RFX1: variants seen among roughly 807,000 people sequenced by gnomAD.
The protein encoded by RFX1 is regulatory factor X1.
In RFX1, 42 loss-of-function variants were observed where a neutral mutation model predicts 119.6. That is an observed-to-expected ratio of 0.35 (90% CI 0.27 to 0.45). The LOEUF is 0.45. Ranked by LOEUF, RFX1 falls within the 20% of genes least tolerant of loss-of-function variation. The pLI is 1.00. For synonymous variants in RFX1, 628 were observed against 618.5 expected, an observed-to-expected ratio of 1.02 and a Z score of -0.23; for missense variants, 1,118 against 1,368.1, an observed-to-expected ratio of 0.82 and a Z score of 2.88.
chr19:14,002,511 A>C (rs1053214301), intron 1 of RFX1, among the ~76,000 whole-genome samples: 7 of 151,992 alleles, frequency 4.6e-5, no homozygotes, highest in Non-Finnish European at 8.8e-5. Context: ...AAAGAAAGAA[A>C]AAAGAAAAGA....
chr19:13,969,451 A>G lies in RFX1; in HGVS notation c.1496+543T>C, dbSNP rs972388630. ...GTGGATCACTTGAGGACAGGAGTTC[A>G]AGACCAGCCTGGCCAACATAGCAAA... is the stretch of plus-strand genomic sequence containing the variant. On this transcript the variant is annotated intron_variant, in intron 10 of 20. Coordinates refer to ENST00000254325, the MANE Select transcript of RFX1 (RefSeq NM_002918.5). The surrounding 1 kb of genome is among the most constrained non-coding windows in gnomAD (Gnocchi z 4.5). Among the ~76,000 whole-genome samples the G allele has an allele frequency of 3.3e-5, 5 of 152,124 alleles. No homozygotes were observed. Among genetic ancestry groups the G allele is most frequent in the African/African-American group, 1.2e-4 (5 of 41,414 alleles).
In RFX1 at chr19:13,972,967, G is replaced by T; in HGVS notation, c.1090C>A (p.Gln364Lys). The change falls in exon 9 of 21, where the codon CAG becomes AAG. Residue 364 changes from glutamine (Q) to lysine (K), a missense_variant. This residue lies in a region of RFX1 where 542 missense variants were observed against 602.7 expected (regional missense o/e 0.90). Transcript: ENST00000254325. ...GSMPMYVSGS[Q>K]VVASSTSTGA... ...GTGCTGGTGGAGCTGGCGACGACCT[G>T]GCTGCCGGACACGTACATGGGCATG... is the stretch of plus-strand genomic sequence containing the variant. 6.3e-7 allele frequency: 1 copy of T among 1,599,736 alleles called. No homozygotes were observed. Among genetic ancestry groups the T allele is most frequent in the Non-Finnish European group, 8.5e-7 (1 of 1,179,554 alleles).
intron 9 of RFX1, among the ~76,000 whole-genome samples, chr19:13,971,719 T>C (rs1974085167): frequency 6.6e-6 from 1 of 151,818 alleles, no homozygotes; most frequent in Non-Finnish European, 1.5e-5. Context: ...AAAAAAATTT[T>C]TTAAAATCCG....
rs780022188 is a variant in RFX1 at position 13,985,182 on chromosome 19, A to ATT, written c.320-1589_320-1588dup. 4.9e-5 allele frequency among the ~76,000 whole-genome samples: 6 copies of ATT among 121,598 alleles called. No homozygotes were observed. Among genetic ancestry groups the ATT allele is most frequent in the African/African-American group, 9.4e-5 (3 of 31,910 alleles). 79.8% of individuals were successfully genotyped at this position (121,598 alleles called of 152,430 possible). A position where few individuals can be genotyped will look rare whatever the true frequency, so the allele number is the denominator to read the frequency against. The stretch of plus-strand genomic sequence containing the variant: ...TGGCTGACAGTAAGAGCTTTCCGGG[A>ATT]TTTTTTTTTTTTTTTGAGACAGGGT... On this transcript the variant is annotated intron_variant, in intron 2 of 20. Coordinates refer to ENST00000254325, the MANE Select transcript of RFX1 (RefSeq NM_002918.5). This position sits in a 1 kb window ranked among gnomAD's most constrained non-coding sequence, Gnocchi z 4.3.
intron 1 of RFX1, among the ~76,000 whole-genome samples, chr19:14,003,324 C>A (rs1023859490): frequency 1.3e-5 from 2 of 148,838 alleles, no homozygotes; most frequent in African/African-American, 5.1e-5. Context: ...TCTCCTAAAG[C>A]CAGAGAACAG....
At chr19:14,001,101 C>T (rs1293405517) in intron 1 of RFX1, among the ~76,000 whole-genome samples, 1 of 152,014 alleles carries the variant, frequency 6.6e-6, no homozygotes, top group Non-Finnish European at 1.5e-5. Flanking sequence ...GCTGCAGATC[C>T]ATTCCTGCCT....
In RFX1 at chr19:13,993,876, C is replaced by CT. The variant is rs143370000; in HGVS notation, c.-34dup. 24,715 of 1,239,310 alleles carry CT rather than the reference C, an allele frequency of 0.02. 4 individuals carry two copies. Among genetic ancestry groups the CT allele is most frequent in the Non-Finnish European group, 0.022 (20,481 of 922,480 alleles). 76.8% of individuals were successfully genotyped at this position (1,239,310 alleles called of 1,614,324 possible). On this transcript the variant is annotated 5_prime_UTR_variant, in exon 2 of 21. Transcript: ENST00000254325. ...GTGGGGAAAATGATAATAAATAAGG[C>CT]TTTTTTTTTTTTTTAATTCCTTGGG...
rs200783961 is a variant in RFX1 at position 13,965,714 on chromosome 19, G to A, written c.2025C>T (p.Pro675=). The part of the protein sequence containing the change: ...AILVLLSKFE[P]VLQWTKHCDN... ...CACAGTGCTTGGTCCATTGGAGCACGGGCTCGAACTTGGAGAGGAGCACCA... is the reference window on the plus strand; with the variant it reads ...CACAGTGCTTGGTCCATTGGAGCACAGGCTCGAACTTGGAGAGGAGCACCA... The change falls in exon 15 of 21, where the codon CCC becomes CCT. Residue 675 remains proline (P), a synonymous_variant. Transcript: ENST00000254325. This position sits in a 1 kb window ranked among gnomAD's most constrained non-coding sequence, Gnocchi z 4.7. 6.2e-6 allele frequency: 10 copies of A among 1,613,908 alleles called. No homozygotes were observed. Among genetic ancestry groups the A allele is most frequent in the Middle Eastern group, 1.6e-4 (1 of 6,062 alleles).
chr19:13,994,905 T>C (rs1281155572), intron 1 of RFX1, among the ~76,000 whole-genome samples: 2,719 of 79,570 alleles, frequency 0.034, 169 homozygotes, highest in African/African-American at 0.12. Context: ...TATATATATA[T>C]ATATATATAT....
rs1365498906 is a variant in RFX1 at position 13,969,008 on chromosome 19, C to T, written c.1497-114G>A. On this transcript the variant is annotated intron_variant, in intron 10 of 20. Transcript: ENST00000254325. The surrounding 1 kb of genome is among the most constrained non-coding windows in gnomAD (Gnocchi z 4.5). ...TGTTAGGAGAATGGATAGAGAGACG[C>T]CTGCCCTGCAGAGACGGGGGTGCTG... is the stretch of plus-strand genomic sequence containing the variant. 1.6e-6 allele frequency: 2 copies of T among 1,231,764 alleles called. No homozygotes were observed. Among genetic ancestry groups the T allele is most frequent in the South Asian group, 1.5e-5 (1 of 68,374 alleles). 76.3% of individuals were successfully genotyped at this position (1,231,764 alleles called of 1,614,324 possible). A position where few individuals can be genotyped will look rare whatever the true frequency, so the allele number is the denominator to read the frequency against.
intron 1 of RFX1, among the ~76,000 whole-genome samples, chr19:14,000,966 C>T (rs766373600): frequency 6.6e-6 from 1 of 151,910 alleles, no homozygotes; most frequent in Non-Finnish European, 1.5e-5. Context: ...GGCGTGATGG[C>T]GTGTGCCTGT....
At chr19:13,977,380 AG>A (rs1237781365) in intron 8 of RFX1, among the ~76,000 whole-genome samples, 1 of 152,032 alleles carries the variant, frequency 6.6e-6, no homozygotes, top group Non-Finnish European at 1.5e-5. Flanking sequence ...ACAAAGAAAC[AG>A]GTCACAGCAT....
chr19:14,006,312 G>C lies in RFX1; in HGVS notation c.-262C>G, dbSNP rs1477846743. On this transcript the variant is annotated 5_prime_UTR_variant, in exon 1 of 21. Coordinates refer to ENST00000254325, the MANE Select transcript of RFX1 (RefSeq NM_002918.5). Reference sequence around the variant, plus strand: ...CTATGGCGCCTCCGTTTCCCTCACCGGGGCAACTGTTGCTACCCACCCTAG... The same window carrying C: ...CTATGGCGCCTCCGTTTCCCTCACCCGGGCAACTGTTGCTACCCACCCTAG... 2.6e-5 allele frequency: 4 copies of C among 152,044 alleles called. No homozygotes were observed. Among genetic ancestry groups the C allele is most frequent in the Non-Finnish European group, 5.9e-5 (4 of 68,022 alleles). The allele number at this position is 152,044 out of a possible 1,614,324, so 9.4% of individuals were successfully genotyped here.
At chr19:13,994,303 G>T (rs541419642) in intron 1 of RFX1, among the ~76,000 whole-genome samples, 1 of 152,224 alleles carries the variant, frequency 6.6e-6, no homozygotes, top group South Asian at 2.1e-4. Context: ...AACTACCAGG[G>T]GCTGCCCCCT....
chr19:13,962,796 C>G lies in RFX1; in HGVS notation c.2839G>C (p.Gly947Arg). The change falls in exon 21 of 21, where the codon GGC becomes CGC. Residue 947 changes from glycine (G) to arginine (R), a missense_variant. Physicochemically the swap from Gly to Arg is moderately radical, Grantham distance 125. Coordinates refer to ENST00000254325, the MANE Select transcript of RFX1 (RefSeq NM_002918.5). Reference protein sequence around the residue: ...LPQDISLAAGGESPALGPETL... With the variant: ...LPQDISLAAGRESPALGPETL... ...TCCGGGCCCAGCGCGGGTGACTCGC[C>G]GCCAGCCGCCAGTGAGATGTCCTGC... 6.5e-7 allele frequency: 1 copy of G among 1,529,394 alleles called. No individual in the cohort carries two copies. Among genetic ancestry groups the G allele is most frequent in the Non-Finnish European group, 8.8e-7 (1 of 1,142,830 alleles). 94.7% of individuals were successfully genotyped at this position (1,529,394 alleles called of 1,614,324 possible). A position where few individuals can be genotyped will look rare whatever the true frequency, so the allele number is the denominator to read the frequency against.
At chr19:13,963,392 G>A in intron 18 of RFX1, 117 bp from the exon 19 acceptor site, 2 of 1,436,554 alleles carry the variant, frequency 1.4e-6, no homozygotes, top group Non-Finnish European at 1.9e-6. Context: ...GCTGGATCCC[G>A]CACAGCCTTC....
Position 13,971,999 on chromosome 19 carries a change from C to T in RFX1, c.1314+744G>A, listed in dbSNP as rs140026379. ...TCAGCCTGGCGACAGAGCAAGACTC[C>T]GTCTTAAACAAACAAAAAAATTAGC... is the stretch of plus-strand genomic sequence containing the variant. On this transcript the variant is annotated intron_variant, in intron 9 of 20. Transcript: ENST00000254325. 7.6e-3 allele frequency among the ~76,000 whole-genome samples: 1,153 copies of T among 152,002 alleles called. 20 individuals carry two copies. Among genetic ancestry groups the T allele is most frequent in the African/African-American group, 0.027 (1,110 of 41,456 alleles).
Position 14,004,879 on chromosome 19 carries a change from C to T in RFX1, c.-53+1224G>A, listed in dbSNP as rs566405896. On this transcript the variant is annotated intron_variant, in intron 1 of 20. Coordinates refer to ENST00000254325, the MANE Select transcript of RFX1 (RefSeq NM_002918.5). Reference sequence around the variant, plus strand: ...CCCCGAGCTGGCAGGATATTGTCACCCTAAAAAGCAGTGGCAAAGATTCTC... The same window carrying T: ...CCCCGAGCTGGCAGGATATTGTCACTCTAAAAAGCAGTGGCAAAGATTCTC... Among the ~76,000 whole-genome samples the T allele has an allele frequency of 7.2e-5, 11 of 152,244 alleles. No homozygotes were observed. The South Asian group carries it at 1.4e-3, about 20-fold the overall frequency.
In RFX1 at chr19:13,999,178, G is replaced by T. The variant is rs145359114; in HGVS notation, c.-52-5283C>A. ...ATCACATATACATACATAGCATGAGGTATTGCCCATATATTTGAGCGTGAG... is the reference window on the plus strand; with the variant it reads ...ATCACATATACATACATAGCATGAGTTATTGCCCATATATTTGAGCGTGAG... On this transcript the variant is annotated intron_variant, in intron 1 of 20. Transcript: ENST00000254325. Among the ~76,000 whole-genome samples the T allele has an allele frequency of 2.6e-5, 4 of 152,286 alleles. No homozygotes were observed. In the South Asian group the frequency reaches 8.3e-4, roughly 32 times the overall value.
Sources: gnomAD v4.1 joint callset for allele counts (sites outside exome capture counted in the v4.1 genomes callset) on GRCh38, gnomAD v4.1.1 for gene constraint, gnomAD v4.1.1 regional missense constraint, Gnocchi (gnomAD v3.1) non-coding constraint, MANE v1.5 for transcripts, NCBI Gene and HGNC (gene_info 2026-07-23, HGNC 2026-07-21) for gene names.